The following SUGCT variants were observed in gnomAD, a reference collection of about 807,000 sequenced individuals.
SUGCT encodes the protein succinyl-CoA:glutarate-CoA transferase.
In SUGCT, 41 loss-of-function variants were observed where a neutral mutation model predicts 55.0. The observed-to-expected ratio is 0.74, with a 90% CI of 0.58 to 0.97. The LOEUF (loss-of-function observed/expected upper bound fraction) is 0.97, where lower values mean the gene tolerates loss of function less well. Among genes scored for constraint, SUGCT ranks in the 50% least tolerant of loss-of-function variants. The pLI, the probability that SUGCT is intolerant of heterozygous loss-of-function variation, is 0.00. For synonymous variants in SUGCT, 187 were observed against 200.4 expected, an observed-to-expected ratio of 0.93 and a Z score of 0.56; for missense variants, 568 against 547.8, an observed-to-expected ratio of 1.04 and a Z score of -0.37.
intron 12 of SUGCT, among the ~76,000 whole-genome samples, chr7:40,679,027 T>A (rs1784126526): frequency 6.6e-6 from 1 of 152,212 alleles, no homozygotes; most frequent in Non-Finnish European, 1.5e-5. Context: ...CCAAGAATTA[T>A]TCAAATCAGA....
chr7:40,370,475 T>C (rs1784239768), intron 9 of SUGCT, among the ~76,000 whole-genome samples: 1 of 152,038 alleles, frequency 6.6e-6, no homozygotes, highest in South Asian at 2.1e-4. Context: ...TTGTATGTAA[T>C]TGAGGCTATG....
chr7:40,771,714 G>A (rs1280665071), intron 13 of SUGCT, among the ~76,000 whole-genome samples: 2 of 152,036 alleles, frequency 1.3e-5, no homozygotes, highest in African/African-American at 4.8e-5. Context: ...AAATAAATGA[G>A]ACTTGAAAGG....
chr7:40,272,840 A>G (rs1792181791), intron 7 of SUGCT, among the ~76,000 whole-genome samples: 1 of 151,630 alleles, frequency 6.6e-6, no homozygotes, highest in African/African-American at 2.4e-5. Context: ...TTGTATTTTC[A>G]GTAGAGACGG....
chr7:40,161,700 C>T (rs907908553), intron 1 of SUGCT, among the ~76,000 whole-genome samples: 23 of 152,070 alleles, frequency 1.5e-4, no homozygotes, highest in African/African-American at 5.3e-4. Context: ...TGATCATTTC[C>T]CCTCCAGTTT....
chr7:40,605,340 C>T (rs1798470933), intron 12 of SUGCT, among the ~76,000 whole-genome samples: 1 of 152,194 alleles, frequency 6.6e-6, no homozygotes, highest in African/African-American at 2.4e-5. Context: ...TTTATGTTCA[C>T]AGACACAAAT....
intron 9 of SUGCT, among the ~76,000 whole-genome samples, chr7:40,324,240 A>ATATATATATAT (rs1562681019): frequency 7.7e-5 from 4 of 51,634 alleles, no homozygotes; most frequent in Non-Finnish European, 1.2e-4. Flanking sequence ...TATATAAATA[A>ATATATATATAT]ATAAATAAAT....
intron 12 of SUGCT, among the ~76,000 whole-genome samples, chr7:40,734,340 A>G (rs1308999847): frequency 6.6e-6 from 1 of 152,246 alleles, no homozygotes; most frequent in Non-Finnish European, 1.5e-5. Flanking sequence ...CTTTAGAGAC[A>G]GACACAAGTG....
the SUGCT span, among the ~76,000 whole-genome samples, chr7:40,875,850 C>T: frequency 6.6e-5 from 10 of 152,192 alleles, no homozygotes; most frequent in Non-Finnish European, 1.3e-4. Context: ...TGAGGGAAGC[C>T]TCCTGGAAAG....
At chr7:40,994,323 G>A in the SUGCT span, among the ~76,000 whole-genome samples, 2 of 152,098 alleles carry the variant, frequency 1.3e-5, no homozygotes, top group South Asian at 2.1e-4. Context: ...AAACTAGATT[G>A]AGAATACCCA....
the SUGCT span, among the ~76,000 whole-genome samples, chr7:40,951,256 T>G: frequency 3.3e-5 from 5 of 152,250 alleles, no homozygotes; most frequent in Non-Finnish European, 5.9e-5. Flanking sequence ...TAGAAGTGTT[T>G]ATAGTATTCT....
intron 12 of SUGCT, among the ~76,000 whole-genome samples, chr7:40,698,438 G>A (rs1053021452): frequency 6.6e-6 from 1 of 152,182 alleles, no homozygotes; most frequent in Non-Finnish European, 1.5e-5. Flanking sequence ...CTGGAGTGCA[G>A]GCTCAGGGCA....
At chr7:40,647,332 T>A (rs1207384984) in intron 12 of SUGCT, among the ~76,000 whole-genome samples, 3 of 152,220 alleles carry the variant, frequency 2.0e-5, no homozygotes, top group Non-Finnish European at 4.4e-5. Context: ...GTCATCATAC[T>A]GCATTTCAGG....
chr7:40,394,481 A>G (rs1785611448), intron 9 of SUGCT, among the ~76,000 whole-genome samples: 1 of 152,210 alleles, frequency 6.6e-6, no homozygotes, highest in Non-Finnish European at 1.5e-5. Context: ...ATTGACAAAC[A>G]TAAATTATAT....
At chr7:40,434,434 T>C (rs1788063100) in intron 9 of SUGCT, among the ~76,000 whole-genome samples, 1 of 152,056 alleles carries the variant, frequency 6.6e-6, no homozygotes. Flanking sequence ...ACACATAGAA[T>C]GGTGTAATGA....
rs568766505 is a variant in SUGCT, at chr7:40,365,568, C to G, written c.816+48713C>G. ...CTGATAAGCAACTTCAGCAAAGTCT[C>G]AGGATACAAAATCAATGTACAAAAA... On this transcript the variant is annotated intron_variant, in intron 9 of 13. Coordinates refer to ENST00000335693, the MANE Select transcript of SUGCT (RefSeq NM_001193313.2). 2.6e-5 allele frequency among the ~76,000 whole-genome samples: 4 copies of G among 152,248 alleles called. No homozygotes were observed. The East Asian group carries it at 7.7e-4, about 29-fold the overall frequency.
chr7:40,681,341 A>C (rs1784233550), intron 12 of SUGCT, among the ~76,000 whole-genome samples: 1 of 152,180 alleles, frequency 6.6e-6, no homozygotes, highest in Admixed American at 6.5e-5. Context: ...TGATTTAATC[A>C]ATTATGTTAA....
chr7:40,370,111 T>C (rs1487970146), intron 9 of SUGCT, among the ~76,000 whole-genome samples: 2 of 152,162 alleles, frequency 1.3e-5, no homozygotes, highest in Admixed American at 1.3e-4. Flanking sequence ...AGTGGGAATG[T>C]GTATTTTGAT....
chr7:40,226,638 G>A (rs1788380814), intron 6 of SUGCT, among the ~76,000 whole-genome samples: 1 of 150,962 alleles, frequency 6.6e-6, no homozygotes, highest in South Asian at 2.1e-4. Flanking sequence ...ACTGAAATGA[G>A]CATTAGTTCT....
chr7:40,145,872 C>T (rs1788218756), intron 1 of SUGCT, among the ~76,000 whole-genome samples: 1 of 152,176 alleles, frequency 6.6e-6, no homozygotes, highest in African/African-American at 2.4e-5. Flanking sequence ...TTACTGAATA[C>T]CCATTGTGTC....
Sources: gnomAD v4.1 joint callset for allele counts (sites outside exome capture counted in the v4.1 genomes callset) on GRCh38, gnomAD v4.1.1 for gene constraint, MANE v1.5 for transcripts, NCBI Gene and HGNC (gene_info 2026-07-23, HGNC 2026-07-21) for gene names.